Variants in GPI observed in about 807,000 individuals in gnomAD.
GPI encodes the protein D-hexose-6-phosphate anomerase.
A neutral mutation model predicts 75.8 loss-of-function variants in GPI; 56 were observed. The observed-to-expected ratio is 0.74, with a 90% CI of 0.60 to 0.92. The LOEUF (loss-of-function observed/expected upper bound fraction) is 0.92. Among genes scored for constraint, GPI ranks in the 40% least tolerant of loss-of-function variants. The probability of loss-of-function intolerance (pLI) is 0.00; values close to 1 mark genes in which losing one functional copy is unlikely to be tolerated. For missense variants in GPI, 638 were observed against 741.0 expected (o/e 0.86, Z 1.61); for synonymous variants, 288 against 285.4 (o/e 1.01, Z -0.09).
chr19:34,373,315 T>C (rs1052577916), intron 4 of GPI, among the ~76,000 whole-genome samples: 1 of 150,098 alleles, frequency 6.7e-6, no homozygotes, highest in Admixed American at 6.7e-5. Flanking sequence ...TTTGAACCCA[T>C]GAGGTGGAGG....
chr19:34,366,865 A>G lies in GPI; in HGVS notation c.282+14A>G. On this transcript the variant is annotated intron_variant, in intron 3 of 17. Coordinates refer to ENST00000356487, the MANE Select transcript of GPI (RefSeq NM_000175.5). Reference sequence around the variant, plus strand: ...AACTACACCGAGGTGAGCAGGCCCCACATACCCTCTGGGGCCTCCTTCCTT... The same window carrying G: ...AACTACACCGAGGTGAGCAGGCCCCGCATACCCTCTGGGGCCTCCTTCCTT... 6.3e-7 allele frequency: 1 copy of G among 1,592,724 alleles called. No homozygotes were observed. The highest frequency in any genetic ancestry group is 8.6e-7 in the Non-Finnish European group (1 of 1,160,430).
At chr19:34,398,720 T>TC (rs528131413) in intron 14 of GPI, 615 of 154,444 alleles carry the variant, frequency 4.0e-3, no homozygotes, top group African/African-American at 0.014. Context: ...TTCTTTTTTT[T>TC]TTTTTGAGAT....
intron 4 of GPI, among the ~76,000 whole-genome samples, chr19:34,370,625 T>C (rs1262947054): frequency 6.6e-6 from 1 of 151,834 alleles, no homozygotes; most frequent in Non-Finnish European, 1.5e-5. Context: ...CTGGGGAGGC[T>C]GAGGCAGGAG....
chr19:34,367,983 C>T (rs895572677), intron 3 of GPI, among the ~76,000 whole-genome samples: 1 of 152,130 alleles, frequency 6.6e-6, no homozygotes, highest in Admixed American at 6.6e-5. Context: ...TGCAGTGGTG[C>T]GATCTTGGCT....
upstream of GPI, chr19:34,364,731 G>A (rs1013550137): frequency 3.2e-5 from 13 of 405,470 alleles, no homozygotes; most frequent in Non-Finnish European, 5.7e-5. Flanking sequence ...TTTCATCTTG[G>A]TTTTCCTCAA....
At chr19:34,378,413 C>T (rs1015240081) in intron 6 of GPI, among the ~76,000 whole-genome samples, 8 of 151,926 alleles carry the variant, frequency 5.3e-5, no homozygotes, top group Non-Finnish European at 1.0e-4. Flanking sequence ...TGGGCTTTTG[C>T]CATGTTGGCC....
At position 34,393,965 on chromosome 19, in the gene GPI, G is replaced by A; in HGVS notation, c.961G>A (p.Ala321Thr). Residue 321 changes from alanine (A) to threonine (T), a missense_variant, in exon 12 of 18, where the codon GCC becomes ACC. Transcript: ENST00000356487. The surrounding 1 kb of genome is among the most constrained non-coding windows in gnomAD (Gnocchi z 4.4). ...PLEKNAPVLL[A>T]LLGIWYINCF... ...GGAGAAGAACGCCCCCGTCTTGCTG[G>A]CCCTGCTGGGTATCTGGTACATCAA... 1.2e-6 allele frequency: 2 copies of A among 1,613,606 alleles called. No individual in the cohort carries two copies. Among genetic ancestry groups the A allele is most frequent in the South Asian group, 1.1e-5 (1 of 91,072 alleles).
At chr19:34,395,358 C>T (rs1223947590) in intron 12 of GPI, among the ~76,000 whole-genome samples, 2 of 151,136 alleles carry the variant, frequency 1.3e-5, no homozygotes, top group Admixed American at 1.3e-4. Context: ...TAGTGAGGCC[C>T]GGTCTCTACA....
At chr19:34,378,380 TTA>T (rs2074583825) in intron 6 of GPI, among the ~76,000 whole-genome samples, 1 of 151,910 alleles carries the variant, frequency 6.6e-6, no homozygotes, top group South Asian at 2.1e-4. Context: ...TATTTATTTA[TTA>T]TTATTATTTT....
chr19:34,366,239 G>T lies in GPI; in HGVS notation c.123-106G>T, dbSNP rs190752736. 101 of 804,912 alleles carry T rather than the reference G, an allele frequency of 1.3e-4. 1 individual carries two copies. In the East Asian group the frequency reaches 2.4e-3, roughly 19 times the overall value. The allele number at this position is 804,912 out of a possible 1,614,324, so 49.9% of individuals were successfully genotyped here. A position where few individuals can be genotyped will look rare whatever the true frequency, so the allele number is the denominator to read the frequency against. ...GCTGGGTGGCCGCGGCCCTTGTGGG[G>T]CGTGGGTCAGGGAGGATGTTTCTTC... On this transcript the variant is annotated intron_variant, in intron 1 of 17. Transcript: ENST00000356487.
At chr19:34,381,962 C>T (rs891455497) in intron 9 of GPI, among the ~76,000 whole-genome samples, 3 of 152,106 alleles carry the variant, frequency 2.0e-5, no homozygotes, top group Non-Finnish European at 2.9e-5. Context: ...GGGGGGGTGG[C>T]GTAGAGGAGG....
At chr19:34,392,319 G>C (rs1278157594) in intron 9 of GPI, 1 of 478 alleles carries the variant, frequency 2.1e-3, no homozygotes, top group African/African-American at 0.01. Flanking sequence ...ACAGGTGTGA[G>C]GATCTTCATG....
chr19:34,383,957 C>T (rs947619769), intron 9 of GPI, among the ~76,000 whole-genome samples: 4 of 152,144 alleles, frequency 2.6e-5, no homozygotes, highest in African/African-American at 7.2e-5. Context: ...CTTTCAGAGC[C>T]GCGTCTGTCT....
At chr19:34,360,026 A>C (rs2074292870), upstream of GPI, 1 of 152,300 alleles carries the variant, frequency 6.6e-6, no homozygotes, top group Non-Finnish European at 1.5e-5. Context: ...CTCTGCTGTC[A>C]GGTGTACCCT....
Position 34,365,231 on chromosome 19 carries a change from G to T in GPI, c.-36G>T. 6.8e-7 allele frequency: 1 copy of T among 1,463,548 alleles called. No homozygotes were observed. Among genetic ancestry groups the T allele is most frequent in the South Asian group, 1.4e-5 (1 of 70,884 alleles). The allele number at this position is 1,463,548 out of a possible 1,614,324, so 90.7% of individuals were successfully genotyped here. On this transcript the variant is annotated 5_prime_UTR_variant, in exon 1 of 18. Coordinates refer to ENST00000356487, the MANE Select transcript of GPI (RefSeq NM_000175.5). ...CGCTGCCGGCGCTCCTTCCTCCTCG[G>T]CTCGCGTCTCACTCAGTGTACCTTC... is the stretch of plus-strand genomic sequence containing the variant.
chr19:34,386,694 G>A (rs1414723706), intron 9 of GPI, among the ~76,000 whole-genome samples: 2 of 152,192 alleles, frequency 1.3e-5, no homozygotes, highest in East Asian at 3.8e-4. Context: ...GAGGTCTGTG[G>A]CCCCTAAGTT....
rs775411168 is a variant in GPI at position 34,366,412 on chromosome 19, G to A, written c.190G>A (p.Val64Met). 1.8e-5 allele frequency: 29 copies of A among 1,612,472 alleles called. No homozygotes were observed. Among genetic ancestry groups the A allele is most frequent in the African/African-American group, 2.7e-5 (2 of 74,902 alleles). ...DYSKNLVTED[V>M]MRMLVDLAKS... The stretch of plus-strand genomic sequence containing the variant: ...CTCCAAGAACCTGGTGACGGAGGAC[G>A]TGATGCGGATGCTGGTGGACTTGGT... Residue 64 changes from valine to methionine, a missense_variant, in exon 2 of 18, where the codon GTG becomes ATG. Coordinates refer to ENST00000356487, the MANE Select transcript of GPI (RefSeq NM_000175.5).
upstream of GPI, among the ~76,000 whole-genome samples, chr19:34,360,707 G>C (rs1295753429): frequency 1.3e-5 from 2 of 152,324 alleles, no homozygotes; most frequent in Non-Finnish European, 1.5e-5. Flanking sequence ...CAGGAGCACA[G>C]GTCTCAGGAA....
intron 9 of GPI, among the ~76,000 whole-genome samples, chr19:34,383,761 TG>T (rs2074691066): frequency 6.6e-6 from 1 of 152,082 alleles, no homozygotes; most frequent in Non-Finnish European, 1.5e-5. Flanking sequence ...GGGTGCGGTC[TG>T]AGTGGCTCAG....
Sources: allele counts gnomAD v4.1 joint callset (sites outside exome capture counted in the v4.1 genomes callset), GRCh38; gene constraint gnomAD v4.1.1; non-coding constraint Gnocchi (gnomAD v3.1); transcripts MANE v1.5; gene names NCBI Gene and HGNC (gene_info 2026-07-23, HGNC 2026-07-21).